GLRA2: variants seen among roughly 807,000 people sequenced by gnomAD.
GLRA2 encodes the protein glycine receptor subunit alpha-2.
GLRA2 carries 11 observed loss-of-function variants against 31.6 expected under a neutral mutation model. The observed-to-expected ratio is 0.35, with a 90% CI of 0.22 to 0.58. The LOEUF is 0.58. Among genes scored for constraint, GLRA2 ranks in the 20% least tolerant of loss-of-function variants. The probability of loss-of-function intolerance (pLI) is 0.84; values close to 1 mark genes in which losing one functional copy is unlikely to be tolerated. For synonymous variants in GLRA2, 132 were observed against 134.0 expected, an observed-to-expected ratio of 0.99 and a Z score of 0.10; for missense variants, 212 against 351.8, an observed-to-expected ratio of 0.60 and a Z score of 3.18.
At chrX:14,454,195 CA>C in the GLRA2 span, among the ~76,000 whole-genome samples, 3,141 of 49,196 alleles carry the variant, frequency 0.064, 138 homozygotes, top group African/African-American at 0.11. Flanking sequence ...CACCCACACA[CA>C]CACACACACA....
intron 2 of GLRA2, among the ~76,000 whole-genome samples, chrX:14,548,753 C>T (rs956910278): frequency 8.9e-6 from 1 of 111,787 alleles, no homozygotes; most frequent in Non-Finnish European, 1.9e-5. Context: ...ACCAAAGGCG[C>T]ATAAATCATA....
the GLRA2 span, among the ~76,000 whole-genome samples, chrX:14,474,186 T>G: frequency 1.8e-5 from 2 of 111,916 alleles, no homozygotes; most frequent in Admixed American, 9.5e-5. Context: ...ATCTTATCAT[T>G]AGACCATCAA....
chrX:14,727,673 C>T (rs2091944030), intron 8 of GLRA2, among the ~76,000 whole-genome samples: 1 of 112,390 alleles, frequency 8.9e-6, no homozygotes, highest in Non-Finnish European at 1.9e-5. Context: ...CTTTTGCATC[C>T]ATAAAATATT....
intron 2 of GLRA2, among the ~76,000 whole-genome samples, chrX:14,547,182 C>A (rs1271328439): frequency 9.0e-6 from 1 of 111,060 alleles, no homozygotes; most frequent in Non-Finnish European, 1.9e-5. Flanking sequence ...AAGCTAAGAT[C>A]AAAAATAAAC....
At chrX:14,539,803 A>T (rs2089376929) in intron 2 of GLRA2, among the ~76,000 whole-genome samples, 1 of 111,947 alleles carries the variant, frequency 8.9e-6, no homozygotes, top group Admixed American at 9.5e-5. Flanking sequence ...ATATGACTGG[A>T]TAAGTCTTGT....
At chrX:14,543,481 G>C (rs761042761) in intron 2 of GLRA2, among the ~76,000 whole-genome samples, 9 of 110,988 alleles carry the variant, frequency 8.1e-5, no homozygotes, top group Non-Finnish European at 1.5e-4. Flanking sequence ...TCAAGTCCCA[G>C]TATTTCATTC....
upstream of GLRA2, among the ~76,000 whole-genome samples, chrX:14,526,980 A>G (rs2089189607): frequency 9.0e-6 from 1 of 111,284 alleles, no homozygotes; most frequent in Admixed American, 9.6e-5. Context: ...ACTGTGTCAC[A>G]GGGTCAATAG....
chrX:14,694,387 TA>T (rs2091410048), intron 8 of GLRA2, among the ~76,000 whole-genome samples: 1 of 112,033 alleles, frequency 8.9e-6, no homozygotes, highest in Non-Finnish European at 1.9e-5. Context: ...GCTGTGAATA[TA>T]GTAGAGAATG....
chrX:14,678,426 G>C (rs2091166087), intron 7 of GLRA2, among the ~76,000 whole-genome samples: 1 of 111,648 alleles, frequency 9.0e-6, no homozygotes, highest in African/African-American at 3.3e-5. Flanking sequence ...CCAGGCATTA[G>C]GTGTTGATGG....
intron 8 of GLRA2, among the ~76,000 whole-genome samples, chrX:14,705,997 A>G (rs958372306): frequency 1.8e-5 from 2 of 111,992 alleles, no homozygotes; most frequent in African/African-American, 6.5e-5. Flanking sequence ...CCATTACAGC[A>G]TGGTTCTCAA....
At chrX:14,718,618 A>T (rs1171868352) in intron 8 of GLRA2, among the ~76,000 whole-genome samples, 2 of 111,937 alleles carry the variant, frequency 1.8e-5, no homozygotes, top group African/African-American at 6.5e-5. Context: ...GCTAGGAGTC[A>T]GTCATCTGTA....
In GLRA2 at chrX:14,600,999, TTG is replaced by T. The variant is rs1394728590; in HGVS notation, c.495-3314_495-3313del. On this transcript the variant is annotated intron_variant, in intron 4 of 8. Coordinates refer to ENST00000218075, the MANE Select transcript of GLRA2 (RefSeq NM_002063.4). ...CTTTAATAAGGTGTCAGCTTTGTTGTTGTTTTTTTTTTTGTTTGTTTGTTTAC... is the reference window on the plus strand; with the variant it reads ...CTTTAATAAGGTGTCAGCTTTGTTGTTTTTTTTTTTTGTTTGTTTGTTTAC... Among the ~76,000 whole-genome samples the T allele has an allele frequency of 9.6e-3, 592 of 61,659 alleles. 2 individuals carry two copies. Among genetic ancestry groups the T allele is most frequent in the African/African-American group, 0.034 (574 of 16,853 alleles). The allele number at this position is 61,659 out of a possible 115,157, so 53.5% of individuals were successfully genotyped here.
At chrX:14,672,957 T>C (rs2091109484) in intron 7 of GLRA2, among the ~76,000 whole-genome samples, 1 of 111,538 alleles carries the variant, frequency 9.0e-6, no homozygotes, top group African/African-American at 3.3e-5. Context: ...TATCGAGACA[T>C]CCTTGATGAT....
chrX:14,503,255 G>T, the GLRA2 span, among the ~76,000 whole-genome samples: 1 of 111,233 alleles, frequency 9.0e-6, no homozygotes, highest in Admixed American at 9.5e-5. Context: ...GCAGTAGGGT[G>T]GCAAAAGAGG....
chrX:14,478,782 T>C, the GLRA2 span, among the ~76,000 whole-genome samples: 2 of 112,467 alleles, frequency 1.8e-5, no homozygotes, highest in Non-Finnish European at 3.8e-5. Flanking sequence ...CCTCACTTTC[T>C]TTATATGATT....
chrX:14,567,358 T>C (rs1265631077), intron 2 of GLRA2, among the ~76,000 whole-genome samples: 1 of 111,978 alleles, frequency 8.9e-6, no homozygotes, highest in East Asian at 2.8e-4. Flanking sequence ...CACGATCACC[T>C]CAACTGATGC....
At chrX:14,681,563 A>G (rs1253760242) in intron 7 of GLRA2, among the ~76,000 whole-genome samples, 1 of 110,466 alleles carries the variant, frequency 9.1e-6, no homozygotes, top group African/African-American at 3.3e-5. Flanking sequence ...AAAAAAATAA[A>G]CCTACAGTCT....
chrX:14,622,478 G>GGTTTTTAT (rs2090532726), intron 7 of GLRA2, among the ~76,000 whole-genome samples: 4 of 109,425 alleles, frequency 3.7e-5, no homozygotes, highest in East Asian at 2.9e-4. Flanking sequence ...TTTTCTTCTG[G>GGTTTTTAT]GGTTTTAGGT....
intron 7 of GLRA2, among the ~76,000 whole-genome samples, chrX:14,675,438 G>T (rs374706760): frequency 8.9e-6 from 1 of 111,936 alleles, no homozygotes; most frequent in East Asian, 2.8e-4. Context: ...ACCGTCCAAT[G>T]CCCAACAAAC....
Sources: gnomAD v4.1 joint callset for allele counts (sites outside exome capture counted in the v4.1 genomes callset) on GRCh38, gnomAD v4.1.1 for gene constraint, MANE v1.5 for transcripts, NCBI Gene and HGNC (gene_info 2026-07-23, HGNC 2026-07-21) for gene names.